ANO4: variants seen among roughly 807,000 people sequenced by gnomAD.
The protein encoded by ANO4 is anoctamin 4.
A neutral mutation model predicts 141.9 loss-of-function variants in ANO4; 69 were observed. That is an observed-to-expected ratio of 0.49 (90% confidence interval 0.40 to 0.59). The LOEUF (loss-of-function observed/expected upper bound fraction) is 0.59. Among genes scored for constraint, ANO4 ranks in the 20% least tolerant of loss-of-function variants. The pLI is 0.00. For synonymous variants in ANO4, 350 were observed against 394.3 expected (o/e 0.89, Z 1.33); for missense variants, 894 against 1,162.2 (o/e 0.77, Z 3.36).
intron 26 of ANO4, among the ~76,000 whole-genome samples, chr12:101,121,260 G>T (rs995674346): frequency 2.0e-5 from 3 of 150,912 alleles, no homozygotes; most frequent in African/African-American, 7.4e-5. Flanking sequence ...AGTGTCTGTT[G>T]TTCTCATCTT....
At chr12:101,042,927 T>C (rs1566167290) in intron 12 of ANO4, among the ~76,000 whole-genome samples, 1 of 152,188 alleles carries the variant, frequency 6.6e-6, no homozygotes, top group Admixed American at 6.5e-5. Context: ...CTCACCAGAA[T>C]ATAGGTCAAG....
Position 101,043,571 on chromosome 12 carries a change from T to C in ANO4, c.1187T>C (p.Met396Thr), listed in dbSNP as rs1341981751. The C allele has an allele frequency of 8.1e-6, 13 of 1,613,738 alleles. No homozygotes were observed. Among genetic ancestry groups the C allele is most frequent in the Non-Finnish European group, 9.3e-6 (11 of 1,179,832 alleles). The change falls in exon 13 of 28, where the codon ATG becomes ACG. Residue 396 changes from methionine to threonine, a missense_variant. Around this residue, in one of 2 missense-constraint regions of ANO4, gnomAD observed 637 missense variants for 909.2 expected, o/e 0.70. Coordinates refer to ENST00000392977, the MANE Select transcript of ANO4 (RefSeq NM_001286615.2). ...KEVCQATDII[M>T]CPVCDKYCPF... is the part of the protein sequence containing the mutation. ...GTCTGCCAAGCTACAGATATCATCATGTGTCCTGTGTGTGATAAATACTGT... is the reference window on the plus strand; with the variant it reads ...GTCTGCCAAGCTACAGATATCATCACGTGTCCTGTGTGTGATAAATACTGT...
intron 19 of ANO4, among the ~76,000 whole-genome samples, chr12:101,097,005 G>A (rs2050011527): frequency 6.6e-6 from 1 of 152,132 alleles, no homozygotes; most frequent in Admixed American, 6.5e-5. Context: ...GCATGTCCTG[G>A]ATTCCTGACT....
intron 18 of ANO4, among the ~76,000 whole-genome samples, chr12:101,095,914 A>G (rs923593192): frequency 6.6e-6 from 1 of 152,126 alleles, no homozygotes; most frequent in African/African-American, 2.4e-5. Flanking sequence ...TGGAGATGAG[A>G]TTGGCCCCTG....
At chr12:100,764,086 AGT>A (rs2032982584) in intron 3 of ANO4, among the ~76,000 whole-genome samples, 2 of 152,200 alleles carry the variant, frequency 1.3e-5, no homozygotes, top group Non-Finnish European at 2.9e-5. Context: ...GATCTCAAGT[AGT>A]GTGTATCTAG....
intron 1 of ANO4, among the ~76,000 whole-genome samples, chr12:100,880,438 T>G (rs1472172841): frequency 6.6e-6 from 1 of 152,186 alleles, no homozygotes; most frequent in African/African-American, 2.4e-5. Flanking sequence ...TAGAGGTGCC[T>G]CATTCAAGGT....
At chr12:100,975,564 T>A (rs1163282296) in intron 7 of ANO4, among the ~76,000 whole-genome samples, 1 of 150,258 alleles carries the variant, frequency 6.7e-6, no homozygotes, top group Non-Finnish European at 1.5e-5. Flanking sequence ...CCTCAACCTC[T>A]TGAGTAGCTG....
chr12:101,104,627 G>GTGTATATATATA (rs1297866922), intron 22 of ANO4, among the ~76,000 whole-genome samples: 35 of 62,014 alleles, frequency 5.6e-4, no homozygotes, highest in Non-Finnish European at 7.8e-4. Flanking sequence ...ATGTATGTGT[G>GTGTATATATATA]TATATATATA....
At chr12:100,748,103 T>A (rs897404485) in intron 3 of ANO4, among the ~76,000 whole-genome samples, 4 of 152,162 alleles carry the variant, frequency 2.6e-5, no homozygotes, top group Admixed American at 2.6e-4. Context: ...AGCTTACTGG[T>A]ACTCCATATA....
intron 21 of ANO4, 55 bp from the exon 22 acceptor site, chr12:101,099,523 A>T: frequency 1.3e-6 from 2 of 1,498,762 alleles, no homozygotes; most frequent in Admixed American, 4.7e-5. Context: ...TTTTCTTATT[A>T]CCTAAGTCAT....
chr12:100,965,476 T>C (rs2043612743), intron 5 of ANO4, among the ~76,000 whole-genome samples: 1 of 152,182 alleles, frequency 6.6e-6, no homozygotes, highest in Non-Finnish European at 1.5e-5. Context: ...AAACAAGTGA[T>C]CCCTGCCTGT....
At chr12:100,775,184 G>T (rs893171166) in intron 3 of ANO4, among the ~76,000 whole-genome samples, 2 of 152,168 alleles carry the variant, frequency 1.3e-5, no homozygotes, top group African/African-American at 2.4e-5. Context: ...CTGTCCGAGT[G>T]AAAAACTGAG....
At position 100,901,623 on chromosome 12, in the gene ANO4, A is replaced by G. The variant is rs376358909; in HGVS notation, c.-140-23A>G. The stretch of plus-strand genomic sequence containing the variant: ...CATTCTGAAGTGACTTCTTCAGTCT[A>G]ATGGTGCCATTTCTCATTCCAGGTT... On this transcript the variant is annotated intron_variant, in intron 1 of 27. Transcript: ENST00000392977. 20 of 743,628 alleles carry G rather than the reference A, an allele frequency of 2.7e-5. No homozygotes were observed. In the East Asian group the frequency reaches 4.2e-4, roughly 16 times the overall value. The allele number at this position is 743,628 out of a possible 1,614,324, so 46.1% of individuals were successfully genotyped here.
At chr12:100,984,031 C>T (rs1418827969) in intron 7 of ANO4, among the ~76,000 whole-genome samples, 2 of 152,146 alleles carry the variant, frequency 1.3e-5, no homozygotes, top group Non-Finnish European at 1.5e-5. Context: ...CCTGCTTCTG[C>T]TCAGGCTCCT....
At chr12:101,066,722 T>A in intron 14 of ANO4, 1 of 774,420 alleles carries the variant, frequency 1.3e-6, no homozygotes, top group South Asian at 1.4e-5. Context: ...CCTGCTTGAG[T>A]CCTGCGTTGC....
intron 3 of ANO4, among the ~76,000 whole-genome samples, chr12:100,773,109 G>GCAC (rs2033366092): frequency 6.6e-6 from 1 of 152,138 alleles, no homozygotes; most frequent in Non-Finnish European, 1.5e-5. Context: ...CATGATCAAG[G>GCAC]TACCAGCAGA....
intron 1 of ANO4, among the ~76,000 whole-genome samples, chr12:100,728,412 A>G (rs1479354177): frequency 6.6e-6 from 1 of 152,194 alleles, no homozygotes; most frequent in African/African-American, 2.4e-5. Flanking sequence ...CAAAGATGTA[A>G]CACCAGATAC....
rs373393334 is a variant in ANO4, at chr12:101,071,376, A to G, written c.1313-7817A>G. 1.0e-3 allele frequency among the ~76,000 whole-genome samples: 159 copies of G among 152,198 alleles called. 2 individuals carry two copies. Among genetic ancestry groups the G allele is most frequent in the African/African-American group, 3.6e-3 (149 of 41,528 alleles). ...AAGAGAATGACATCCTGTCATTTAC[A>G]ACAACATGGAGGGAACTGGAAGTCA... On this transcript the variant is annotated intron_variant, in intron 14 of 27. Coordinates refer to ENST00000392977, the MANE Select transcript of ANO4 (RefSeq NM_001286615.2).
At chr12:100,810,786 C>T (rs763944516) in intron 1 of ANO4, among the ~76,000 whole-genome samples, 11 of 152,164 alleles carry the variant, frequency 7.2e-5, no homozygotes, top group African/African-American at 2.4e-4. Flanking sequence ...GAAGTATAGC[C>T]AGGGAGGGTC....
Sources: allele counts gnomAD v4.1 joint callset (sites outside exome capture counted in the v4.1 genomes callset), GRCh38; gene constraint gnomAD v4.1.1; regional missense constraint gnomAD v4.1.1; transcripts MANE v1.5; gene names NCBI Gene and HGNC (gene_info 2026-07-23, HGNC 2026-07-21).